The following CCDC66 variants were observed in gnomAD, a reference collection of about 807,000 sequenced individuals.
The protein encoded by CCDC66 is coiled-coil domain-containing protein 66.
Under a neutral mutation model 128.3 loss-of-function variants are expected in CCDC66, and 133 were observed. The ratio of observed to expected loss-of-function variants is 1.04; its 90% CI spans 0.90 to 1.20. The LOEUF is 1.20. Ranked by LOEUF, CCDC66 falls within the 50% of genes most tolerant of loss-of-function variation. The pLI is 0.00. For synonymous variants in CCDC66, 387 were observed against 357.0 expected (o/e 1.08, Z -0.95); for missense variants, 1,126 against 1,075.5 (o/e 1.05, Z -0.66).
At chr3:56,569,707 T>G (rs1439732887) in intron 6 of CCDC66, 1 of 152,056 alleles carries the variant, frequency 6.6e-6, no homozygotes, top group Non-Finnish European at 1.5e-5. Flanking sequence ...TGATGTGTGT[T>G]TATATCACAA....
intron 10 of CCDC66, among the ~76,000 whole-genome samples, chr3:56,598,653 T>C (rs912466112): frequency 6.6e-6 from 1 of 152,088 alleles, no homozygotes; most frequent in African/African-American, 2.4e-5. Flanking sequence ...AAATGTTTTT[T>C]CTTGTCTACT....
chr3:56,566,526 G>C, intron 4 of CCDC66, 68 bp from the exon 5 acceptor site: 2 of 1,024,792 alleles, frequency 2.0e-6, no homozygotes, highest in South Asian at 2.9e-5. Flanking sequence ...GAACTGTATA[G>C]CACTATGCCA....
chr3:56,603,640 G>A (rs2073609947), intron 10 of CCDC66, among the ~76,000 whole-genome samples: 1 of 152,028 alleles, frequency 6.6e-6, no homozygotes, highest in Non-Finnish European at 1.5e-5. Flanking sequence ...ATTGCACTGT[G>A]GTCTGAGAGA....
intron 6 of CCDC66, among the ~76,000 whole-genome samples, chr3:56,568,754 T>C (rs1000936217): frequency 6.6e-6 from 1 of 152,254 alleles, no homozygotes; most frequent in East Asian, 1.9e-4. Context: ...TCAGACAGTA[T>C]GTATTCTAGA....
At chr3:56,619,100 C>T (rs958585083) in intron 15 of CCDC66, 171 bp from the exon 16 acceptor site, 41 of 557,394 alleles carry the variant, frequency 7.4e-5, no homozygotes, top group African/African-American at 7.2e-4. Context: ...CGCCTGTAAT[C>T]CCAGCTACTT....
At chr3:56,595,426 A>G (rs1198307270) in intron 10 of CCDC66, among the ~76,000 whole-genome samples, 1 of 152,132 alleles carries the variant, frequency 6.6e-6, no homozygotes, top group African/African-American at 2.4e-5. Context: ...AGCCTTTGAT[A>G]CCTATCATTC....
At chr3:56,609,797 G>A (rs1043999425) in intron 10 of CCDC66, among the ~76,000 whole-genome samples, 5 of 152,230 alleles carry the variant, frequency 3.3e-5, no homozygotes, top group Middle Eastern at 6.8e-3. Context: ...TGGTAATGGC[G>A]AATTCTCTCA....
chr3:56,582,138 T>A (rs1448466552), intron 7 of CCDC66, among the ~76,000 whole-genome samples: 2 of 151,948 alleles, frequency 1.3e-5, no homozygotes, highest in Non-Finnish European at 2.9e-5. Flanking sequence ...CCAGCCTTGC[T>A]GCCGCCTTGC....
intron 10 of CCDC66, among the ~76,000 whole-genome samples, chr3:56,596,457 G>A (rs1300716414): frequency 6.9e-6 from 1 of 145,096 alleles, no homozygotes; most frequent in Non-Finnish European, 1.6e-5. Context: ...CTGGATAGTA[G>A]CCCTTTGTTG....
intron 10 of CCDC66, among the ~76,000 whole-genome samples, chr3:56,609,866 A>T (rs2074559533): frequency 6.6e-6 from 1 of 152,200 alleles, no homozygotes; most frequent in East Asian, 1.9e-4. Flanking sequence ...AATTTGGCTG[A>T]TAATTTTTTT....
At chr3:56,561,218 G>A (rs964979915) in intron 3 of CCDC66, 1 of 455,900 alleles carries the variant, frequency 2.2e-6, no homozygotes, top group Admixed American at 2.4e-5. Flanking sequence ...GTTCCTAGAT[G>A]AAAAGCTGTT....
intron 10 of CCDC66, among the ~76,000 whole-genome samples, chr3:56,595,527 C>T (rs74407284): frequency 0.012 from 1,770 of 152,316 alleles, 12 homozygotes; most frequent in Non-Finnish European, 0.018. Flanking sequence ...GCTTATTTCA[C>T]TTAACATAAT....
At chr3:56,573,305 A>T (rs546654423) in intron 7 of CCDC66, among the ~76,000 whole-genome samples, 1 of 152,278 alleles carries the variant, frequency 6.6e-6, no homozygotes, top group East Asian at 1.9e-4. Context: ...GACGAGGCTC[A>T]TGAATTTGGA....
chr3:56,610,766 C>G (rs1486929323), intron 10 of CCDC66, among the ~76,000 whole-genome samples: 1 of 152,162 alleles, frequency 6.6e-6, no homozygotes, highest in Non-Finnish European at 1.5e-5. Context: ...AGGGTGTTCC[C>G]TATGTATTAC....
At chr3:56,581,790 G>A (rs1405212156) in intron 7 of CCDC66, among the ~76,000 whole-genome samples, 1 of 151,728 alleles carries the variant, frequency 6.6e-6, no homozygotes, top group East Asian at 2.0e-4. Flanking sequence ...CATCTCAGAG[G>A]GGCACCCAGC....
At chr3:56,581,882 A>G (rs373191190) in intron 7 of CCDC66, among the ~76,000 whole-genome samples, 7 of 152,022 alleles carry the variant, frequency 4.6e-5, no homozygotes, top group East Asian at 4.0e-4. Context: ...ATGAGGAGGC[A>G]GTCTGTCCGT....
chr3:56,560,239 T>C (rs1300007109), intron 3 of CCDC66, among the ~76,000 whole-genome samples: 1 of 152,244 alleles, frequency 6.6e-6, no homozygotes, highest in Non-Finnish European at 1.5e-5. Context: ...ACTTTGTTTA[T>C]TTTAATTTTT....
rs1268314890 is a variant in CCDC66, at chr3:56,558,877, G to A, written c.43G>A (p.Asp15Asn). The part of the protein sequence containing the change: ...DGLKLETELL[D>N]GKTKLILSPY... ...TTTAAAGCTTGAAACTGAATTACTG[G>A]ATGGAAAAACCAAGCTAATATTGTC... Residue 15 changes from aspartate to asparagine, a missense_variant, in exon 2 of 18, where the codon GAT (aspartate) becomes AAT (asparagine). Transcript: ENST00000394672. 6.5e-7 allele frequency: 1 copy of A among 1,549,532 alleles called. No homozygotes were observed. Among genetic ancestry groups the A allele is most frequent in the Non-Finnish European group, 8.7e-7 (1 of 1,145,702 alleles).
At chr3:56,564,216 C>G in intron 4 of CCDC66, 91 bp downstream of exon 4, 2 of 911,964 alleles carry the variant, frequency 2.2e-6, no homozygotes, top group Non-Finnish European at 3.3e-6. Context: ...AACTGTGACT[C>G]TTAAACTCTA....
Sources: gnomAD v4.1 joint callset for allele counts (sites outside exome capture counted in the v4.1 genomes callset) on GRCh38, gnomAD v4.1.1 for gene constraint, MANE v1.5 for transcripts, NCBI Gene and HGNC (gene_info 2026-07-23, HGNC 2026-07-21) for gene names.